The following PHLDB2 variants were observed in gnomAD, a reference collection of about 807,000 sequenced individuals.
PHLDB2 encodes pleckstrin homology like domain family B member 2.
Under a neutral mutation model 123.6 loss-of-function variants are expected in PHLDB2, and 71 were observed. The ratio of observed to expected loss-of-function variants is 0.57; its 90% CI spans 0.47 to 0.70. The LOEUF is 0.70. Among genes scored for constraint, PHLDB2 ranks in the 30% least tolerant of loss-of-function variants. PHLDB2 has a pLI of 0.00. For synonymous variants in PHLDB2, 547 were observed against 541.6 expected, an observed-to-expected ratio of 1.01 and a Z score of -0.14; for missense variants, 1,446 against 1,519.5, an observed-to-expected ratio of 0.95 and a Z score of 0.80.
At chr3:111,838,994 G>A (rs578126909) in intron 1 of PHLDB2, among the ~76,000 whole-genome samples, 1 of 152,154 alleles carries the variant, frequency 6.6e-6, no homozygotes, top group African/African-American at 2.4e-5. Flanking sequence ...AACTTTTATA[G>A]TAAAAATAAG....
intron 1 of PHLDB2, among the ~76,000 whole-genome samples, chr3:111,844,797 T>C (rs139029352): frequency 3.7e-3 from 570 of 152,286 alleles, no homozygotes; most frequent in African/African-American, 0.013. Flanking sequence ...TCCTCTTCAG[T>C]CTCTGGCTCC....
Position 111,910,556 on chromosome 3 carries a change from C to G in PHLDB2, c.1336-2763C>G, listed in dbSNP as rs560926309. Among the ~76,000 whole-genome samples the G allele has an allele frequency of 2.0e-5, 3 of 152,120 alleles. No homozygotes were observed. In the East Asian group the frequency reaches 5.8e-4, roughly 29 times the overall value. On this transcript the variant is annotated intron_variant, in intron 2 of 17. Coordinates refer to ENST00000431670, the MANE Select transcript of PHLDB2 (RefSeq NM_001134438.2). ...GACATCACAGTTTGCCAGGACCAACCCCAGTTTGCATTTGAGGTTCCAGCA... is the reference window on the plus strand; with the variant it reads ...GACATCACAGTTTGCCAGGACCAACGCCAGTTTGCATTTGAGGTTCCAGCA...
rs1254487334 is a variant in PHLDB2, at chr3:111,843,161, G to C, written c.-48-2660G>C. Among the ~76,000 whole-genome samples the C allele has an allele frequency of 3.3e-5, 5 of 152,142 alleles. No individual in the cohort carries two copies. In the South Asian group the frequency reaches 8.3e-4, roughly 25 times the overall value. ...TTTATGGCAGCCCTGTTAACCTTTA[G>C]AGAAACTGGCAGATTGTGATCCAAA... On this transcript the variant is annotated intron_variant, in intron 1 of 17. Coordinates refer to the PHLDB2 transcript ENST00000393923.
chr3:111,738,760 G>C (rs1453397947), intron 1 of PHLDB2, among the ~76,000 whole-genome samples: 3 of 152,148 alleles, frequency 2.0e-5, no homozygotes, highest in African/African-American at 7.2e-5. Context: ...CTAGTAATCA[G>C]CTAGGAATTT....
intron 1 of PHLDB2, among the ~76,000 whole-genome samples, chr3:111,801,703 C>A (rs550904651): frequency 1.3e-5 from 2 of 152,032 alleles, no homozygotes; most frequent in Non-Finnish European, 2.9e-5. Flanking sequence ...ATGAATGAAC[C>A]TTGAAAATAT....
chr3:111,917,218 C>G (rs564852852), intron 3 of PHLDB2: 1 of 152,152 alleles, frequency 6.6e-6, no homozygotes, highest in African/African-American at 2.4e-5. Context: ...TAAACAGACT[C>G]TTAAGTTGTC....
At chr3:111,877,470 C>T (rs2065691762) in intron 1 of PHLDB2, among the ~76,000 whole-genome samples, 1 of 152,112 alleles carries the variant, frequency 6.6e-6, no homozygotes, top group Non-Finnish European at 1.5e-5. Context: ...GATATTAGCC[C>T]TTTGTCAGAT....
At chr3:111,855,629 C>CTTTTTT (rs11368889), upstream of PHLDB2, among the ~76,000 whole-genome samples, 27 of 79,840 alleles carry the variant, frequency 3.4e-4, no homozygotes, top group Non-Finnish European at 3.9e-4. Context: ...CTGCATTTGT[C>CTTTTTT]TTTTTTTTTT....
rs2066074820 is a variant in PHLDB2 at position 111,884,422 on chromosome 3, A to T, written c.345A>T (p.Thr115=). 1.2e-6 allele frequency: 2 copies of T among 1,614,052 alleles called. No individual in the cohort carries two copies. Among genetic ancestry groups the T allele is most frequent in the Non-Finnish European group, 1.7e-6 (2 of 1,179,994 alleles). ...MKPPTPLLNT[T]SSLSGYPLGR... is the part of the protein sequence containing the mutation. The stretch of plus-strand genomic sequence containing the variant: ...CTCCAACTCCTTTACTCAACACTAC[A>T]TCCTCCCTCAGTGGATATCCACTTG... The change falls in exon 2 of 18, where the codon ACA becomes ACT. Residue 115 remains threonine, a synonymous_variant. Transcript: ENST00000431670.
At chr3:111,942,949 C>T (rs947659109) in intron 8 of PHLDB2, among the ~76,000 whole-genome samples, 1 of 151,954 alleles carries the variant, frequency 6.6e-6, no homozygotes, top group Admixed American at 6.6e-5. Flanking sequence ...TGACTAGAGG[C>T]TTGCAGGAAC....
At chr3:111,920,190 A>G (rs1346453782) in intron 4 of PHLDB2, 92 bp from the exon 5 acceptor site, 8 of 1,435,722 alleles carry the variant, frequency 5.6e-6, no homozygotes, top group Non-Finnish European at 7.5e-6. Flanking sequence ...TACTTTTGGA[A>G]ATTTGTAGCT....
chr3:111,805,336 A>G (rs6797267), intron 1 of PHLDB2, among the ~76,000 whole-genome samples: 144,301 of 152,012 alleles, frequency 0.95, 68,970 homozygotes, highest in East Asian at 1. Flanking sequence ...TGAGGCGGGC[A>G]GATCACGAGG....
At chr3:111,955,144 G>GATATATATATAT (rs1553754364) in intron 12 of PHLDB2, among the ~76,000 whole-genome samples, 12,649 of 144,738 alleles carry the variant, frequency 0.087, 765 homozygotes, top group Non-Finnish European at 0.13. Context: ...ATGTATATAT[G>GATATATATATAT]ATATATATAT....
intron 8 of PHLDB2, among the ~76,000 whole-genome samples, chr3:111,943,531 C>T (rs1359706854): frequency 6.6e-6 from 1 of 151,950 alleles, no homozygotes; most frequent in Non-Finnish European, 1.5e-5. Context: ...AGAACCTGTA[C>T]ACATCAATAA....
chr3:111,827,747 T>A lies in PHLDB2; in HGVS notation c.-48-18074T>A, dbSNP rs541302496. 3.0e-4 allele frequency among the ~76,000 whole-genome samples: 45 copies of A among 151,344 alleles called. No homozygotes were observed. The South Asian group carries it at 9.0e-3, about 30-fold the overall frequency. On this transcript the variant is annotated intron_variant, in intron 1 of 17. Coordinates refer to the PHLDB2 transcript ENST00000393923. Reference sequence around the variant, plus strand: ...AAACTGAGCAACTCGGTTCAGACTGTTTCTTCCTGGGAAGCTTCATGCTCA... The same window carrying A: ...AAACTGAGCAACTCGGTTCAGACTGATTCTTCCTGGGAAGCTTCATGCTCA...
At chr3:111,778,809 G>T (rs1204374241) in intron 1 of PHLDB2, among the ~76,000 whole-genome samples, 2 of 151,984 alleles carry the variant, frequency 1.3e-5, no homozygotes, top group African/African-American at 2.4e-5. Flanking sequence ...GGCAAGTGTT[G>T]TGTGGATATA....
intron 1 of PHLDB2, among the ~76,000 whole-genome samples, chr3:111,831,098 C>T (rs2063013715): frequency 6.6e-6 from 1 of 151,638 alleles, no homozygotes; most frequent in Admixed American, 6.6e-5. Flanking sequence ...AAGGCATGAG[C>T]CATGACACTT....
chr3:111,923,778 T>C (rs1319971678), intron 5 of PHLDB2, among the ~76,000 whole-genome samples: 1 of 152,244 alleles, frequency 6.6e-6, no homozygotes, highest in Non-Finnish European at 1.5e-5. Flanking sequence ...CCAGCTTGTT[T>C]CTTGATTGCT....
chr3:111,969,012 A>G (rs1231614502), intron 15 of PHLDB2, among the ~76,000 whole-genome samples: 3 of 152,206 alleles, frequency 2.0e-5, no homozygotes, highest in Non-Finnish European at 4.4e-5. Context: ...TGCTTCCTAG[A>G]TTGGACGGGC....
Sources: gnomAD v4.1 joint callset for allele counts (sites outside exome capture counted in the v4.1 genomes callset) on GRCh38, gnomAD v4.1.1 for gene constraint, MANE v1.5 for transcripts, NCBI Gene and HGNC (gene_info 2026-07-23, HGNC 2026-07-21) for gene names.